The following KDM2A variants were observed in gnomAD, a reference collection of about 807,000 sequenced individuals.
KDM2A encodes the protein lysine-specific demethylase 2A.
Under a neutral mutation model 137.3 loss-of-function variants are expected in KDM2A, and 3 were observed. That is an observed-to-expected ratio of 0.02 (90% CI 0.01 to 0.06). The LOEUF is 0.06. KDM2A is among the 10% of genes least tolerant of loss of function. KDM2A has a pLI of 1.00. For synonymous variants in KDM2A, 512 were observed against 541.5 expected, an observed-to-expected ratio of 0.95 and a Z score of 0.76; for missense variants, 738 against 1,510.6, an observed-to-expected ratio of 0.49 and a Z score of 8.48.
At chr11:67,204,934 T>C (rs765076536) in intron 5 of KDM2A, among the ~76,000 whole-genome samples, 1 of 152,264 alleles carries the variant, frequency 6.6e-6, no homozygotes, top group Non-Finnish European at 1.5e-5. Context: ...TTCCATCTTT[T>C]AGCTGTTTTA....
At chr11:67,156,086 C>G (rs1856508506) in intron 2 of KDM2A, among the ~76,000 whole-genome samples, 1 of 146,974 alleles carries the variant, frequency 6.8e-6, no homozygotes, top group Non-Finnish European at 1.5e-5. Flanking sequence ...CCCGTCTCTA[C>G]TAAAAATACA....
intron 16 of KDM2A, 95 bp from the exon 17 acceptor site, chr11:67,249,991 C>G (rs1859359000): frequency 2.0e-6 from 2 of 1,024,420 alleles, no homozygotes; most frequent in Non-Finnish European, 2.8e-6. Flanking sequence ...TTTCTTCTCT[C>G]TGGTCCCCTG....
chr11:67,232,975 G>A (rs1473937008), intron 12 of KDM2A, among the ~76,000 whole-genome samples: 1 of 152,002 alleles, frequency 6.6e-6, no homozygotes, highest in Non-Finnish European at 1.5e-5. Context: ...CTCCCAAAGT[G>A]CTGGGATTAC....
chr11:67,198,489 G>T lies in KDM2A; in HGVS notation c.308-9021G>T, dbSNP rs189381894. ...TGTAATCCCAGCACTTTGGGAGGCC[G>T]AGGCGGGCGGATCTCGAGGTCAGGA... On this transcript the variant is annotated intron_variant, in intron 5 of 20. Coordinates refer to ENST00000529006, the MANE Select transcript of KDM2A (RefSeq NM_012308.3). 9.8e-4 allele frequency among the ~76,000 whole-genome samples: 149 copies of T among 152,058 alleles called. No homozygotes were observed. In the East Asian group the frequency reaches 0.026, roughly 27 times the overall value.
chr11:67,230,931 CAA>C (rs879813930), intron 11 of KDM2A, among the ~76,000 whole-genome samples: 1 of 137,696 alleles, frequency 7.3e-6, no homozygotes. Context: ...AAACTTCAGA[CAA>C]AAAAAAAAAG....
At chr11:67,170,414 T>C (rs1176954205) in intron 2 of KDM2A, among the ~76,000 whole-genome samples, 3 of 136,860 alleles carry the variant, frequency 2.2e-5, no homozygotes, top group East Asian at 2.0e-4. Context: ...CTTTCTTTTT[T>C]TTTTTTTTTT....
chr11:67,158,733 TC>T (rs1421391449), intron 2 of KDM2A, among the ~76,000 whole-genome samples: 4 of 152,138 alleles, frequency 2.6e-5, no homozygotes, highest in Non-Finnish European at 5.9e-5. Context: ...AAGTGATCCT[TC>T]TACCTTACAT....
intron 6 of KDM2A, among the ~76,000 whole-genome samples, chr11:67,208,999 G>A (rs553841565): frequency 6.3e-4 from 95 of 151,440 alleles, no homozygotes; most frequent in Admixed American, 2.5e-3. Flanking sequence ...GCGGTGGCAC[G>A]ATCTCGGTTC....
intron 5 of KDM2A, among the ~76,000 whole-genome samples, chr11:67,185,688 G>A (rs993605204): frequency 1.2e-4 from 18 of 151,544 alleles, no homozygotes; most frequent in African/African-American, 4.4e-4. Flanking sequence ...AAATTGAATT[G>A]CCATTGTGAC....
chr11:67,203,846 TC>T, intron 5 of KDM2A, among the ~76,000 whole-genome samples: 1 of 151,312 alleles, frequency 6.6e-6, no homozygotes. Context: ...GTCGCCCAGG[TC>T]CGGAGTGCAG....
intron 2 of KDM2A, among the ~76,000 whole-genome samples, chr11:67,172,616 TTG>T (rs35333315): frequency 0.097 from 14,212 of 146,376 alleles, 927 homozygotes; most frequent in African/African-American, 0.19. Flanking sequence ...GCTCTTATAG[TTG>T]TGTGTGTGTG....
At position 67,149,093 on chromosome 11, in the gene KDM2A, G is replaced by A. The variant is rs1453889146; in HGVS notation, c.42+27735G>A. ...AAAAAGCAGATTTTTTTCCCCTGAA[G>A]CTCTTTAATAATGGCAAAAGTTAAA... is the stretch of plus-strand genomic sequence containing the variant. On this transcript the variant is annotated intron_variant, in intron 2 of 20. Transcript: ENST00000529006. The A allele has an allele frequency of 2.0e-5, 3 of 152,078 alleles. No homozygotes were observed. In the East Asian group the frequency reaches 5.8e-4, roughly 29 times the overall value. 9.4% of individuals were successfully genotyped at this position (152,078 alleles called of 1,614,324 possible).
intron 5 of KDM2A, chr11:67,195,895 G>A (rs1338405999): frequency 2.8e-6 from 1 of 357,350 alleles, no homozygotes; most frequent in Non-Finnish European, 5.7e-6. Context: ...GTTCTCAATA[G>A]GCTCCAATAA....
intron 6 of KDM2A, among the ~76,000 whole-genome samples, chr11:67,210,735 G>GT (rs1857953022): frequency 6.6e-6 from 1 of 152,112 alleles, no homozygotes; most frequent in Non-Finnish European, 1.5e-5. Flanking sequence ...ACCTTGCTAT[G>GT]TAAGTAATAA....
intron 5 of KDM2A, among the ~76,000 whole-genome samples, chr11:67,198,223 C>T (rs912551087): frequency 6.6e-6 from 1 of 152,014 alleles, no homozygotes; most frequent in Non-Finnish European, 1.5e-5. Flanking sequence ...TAAATGTTAG[C>T]TATTACTTTG....
rs185242462 is a variant in KDM2A, at chr11:67,162,326, A to T, written c.43-17753A>T. ...CATTTAATTCTTATTGCCTGTAAAT[A>T]TATAATGCTCACTTCTCCTGAAGCA... is the stretch of plus-strand genomic sequence containing the variant. On this transcript the variant is annotated intron_variant, in intron 2 of 20. Transcript: ENST00000529006. Among the ~76,000 whole-genome samples, 54 of 152,298 alleles carry T rather than the reference A, an allele frequency of 3.5e-4. No individual in the cohort carries two copies. In the East Asian group the frequency reaches 9.8e-3, roughly 28 times the overall value.
chr11:67,200,357 A>G (rs1857587128), intron 5 of KDM2A, among the ~76,000 whole-genome samples: 1 of 152,088 alleles, frequency 6.6e-6, no homozygotes, highest in Non-Finnish European at 1.5e-5. Context: ...CTGGGACTAC[A>G]GGCGTCCGCC....
intron 10 of KDM2A, among the ~76,000 whole-genome samples, chr11:67,220,899 T>TA (rs1422816196): frequency 6.6e-6 from 1 of 151,902 alleles, no homozygotes; most frequent in African/African-American, 2.4e-5. Context: ...TTAAAAAATG[T>TA]AAAAAACGAT....
At chr11:67,208,353 G>C (rs1227375576) in intron 6 of KDM2A, among the ~76,000 whole-genome samples, 1 of 151,764 alleles carries the variant, frequency 6.6e-6, no homozygotes. Flanking sequence ...GATTACAGGC[G>C]TGAGCCACCG....
Sources: gnomAD v4.1 joint callset for allele counts (sites outside exome capture counted in the v4.1 genomes callset) on GRCh38, gnomAD v4.1.1 for gene constraint, MANE v1.5 for transcripts, NCBI Gene and HGNC (gene_info 2026-07-23, HGNC 2026-07-21) for gene names.